UGT2B7: variants seen among roughly 807,000 people sequenced by gnomAD.
UGT2B7 encodes the protein UDP glucuronosyltransferase family 2 member B7, also known as UDP-glucuronosyltransferase 2B7.
In UGT2B7, 51 loss-of-function variants were observed where a neutral mutation model predicts 51.9. The ratio of observed to expected loss-of-function variants is 0.98; its 90% CI spans 0.78 to 1.24. The LOEUF (loss-of-function observed/expected upper bound fraction) is 1.24, where lower values mean the gene tolerates loss of function less well. Among genes scored for constraint, UGT2B7 ranks in the 50% most tolerant of loss-of-function variants. The pLI, the probability that UGT2B7 is intolerant of heterozygous loss-of-function variation, is 0.00. For missense variants in UGT2B7, 727 were observed against 628.4 expected, an observed-to-expected ratio of 1.16 and a Z score of -1.68; for synonymous variants, 225 against 211.6, an observed-to-expected ratio of 1.06 and a Z score of -0.55.
upstream of UGT2B7, among the ~76,000 whole-genome samples, chr4:69,092,937 T>G (rs1439366507): frequency 7.0e-6 from 1 of 142,846 alleles, no homozygotes; most frequent in African/African-American, 2.7e-5. Context: ...TTAAGAGTCA[T>G]GCCAAAAACA....
At chr4:69,072,355 T>G (rs1718619596) in intron 1 of UGT2B7, among the ~76,000 whole-genome samples, 1 of 152,162 alleles carries the variant, frequency 6.6e-6, no homozygotes, top group African/African-American at 2.4e-5. Flanking sequence ...AAATTTTGAA[T>G]ATGCTGCTTA....
At chr4:69,085,662 T>C (rs77682254) in intron 1 of UGT2B7, among the ~76,000 whole-genome samples, 3,862 of 151,982 alleles carry the variant, frequency 0.025, 80 homozygotes, top group Middle Eastern at 0.095. Flanking sequence ...TGGTTTTTTG[T>C]TTTTGTTTTT....
At chr4:69,089,178 A>G (rs935430900) in intron 1 of UGT2B7, among the ~76,000 whole-genome samples, 1 of 152,134 alleles carries the variant, frequency 6.6e-6, no homozygotes, top group Non-Finnish European at 1.5e-5. Flanking sequence ...GAGTTTGCAA[A>G]CCATTATGAT....
intron 1 of UGT2B7, among the ~76,000 whole-genome samples, chr4:69,084,932 T>C (rs1176894392): frequency 6.6e-6 from 1 of 152,138 alleles, no homozygotes; most frequent in African/African-American, 2.4e-5. Flanking sequence ...ATAAAAATAC[T>C]TGTGCATGTG....
At chr4:69,060,974 A>G (rs1718332397) in intron 1 of UGT2B7, among the ~76,000 whole-genome samples, 1 of 152,162 alleles carries the variant, frequency 6.6e-6, no homozygotes, top group Non-Finnish European at 1.5e-5. Context: ...TTCTCAAGCC[A>G]GAGAGATCTG....
In UGT2B7 at chr4:69,096,977, A is replaced by AT. The variant is rs1560508588; in HGVS notation, c.462dup (p.Pro155SerfsTer3). On this transcript the variant is annotated frameshift_variant, in exon 1 of 6. Transcript: ENST00000305231. LOFTEE classifies it high-confidence loss of function. ...ATTTGACGTCATTTTTGCAGATGCT[A>AT]TTTTTCCCTGTAGTGAGCTGCTGGC... is the stretch of plus-strand genomic sequence containing the variant. 2 of 1,613,576 alleles carry AT rather than the reference A, an allele frequency of 1.2e-6. No individual in the cohort carries two copies. Among genetic ancestry groups the AT allele is most frequent in the East Asian group, 4.5e-5 (2 of 44,858 alleles).
At chr4:69,084,363 CT>C (rs1718903307) in intron 1 of UGT2B7, among the ~76,000 whole-genome samples, 1 of 90,832 alleles carries the variant, frequency 1.1e-5, no homozygotes, top group African/African-American at 3.9e-5. Context: ...TCTGGTTTTA[CT>C]ATCAAGGTAA....
At position 69,097,069 on chromosome 4, in the gene UGT2B7, T is replaced by C. The variant is rs769762629; in HGVS notation, c.549T>C (p.His183=). 8 of 1,613,688 alleles carry C rather than the reference T, an allele frequency of 5.0e-6. No individual in the cohort carries two copies. Among genetic ancestry groups the C allele is most frequent in the African/African-American group, 2.7e-5 (2 of 74,906 alleles). ...SFSPGYTFEK[H]SGGFIFPPSY... The stretch of plus-strand genomic sequence containing the variant: ...CTCCTGGCTACACTTTTGAAAAGCA[T>C]AGTGGAGGATTTATTTTCCCTCCTT... Residue 183 remains histidine, a synonymous_variant, in exon 1 of 6, where the codon CAT becomes CAC. Transcript: ENST00000305231.
intron 1 of UGT2B7, among the ~76,000 whole-genome samples, chr4:69,053,273 T>C (rs1057328515): frequency 4.6e-5 from 7 of 152,156 alleles, no homozygotes; most frequent in Admixed American, 6.5e-5. Flanking sequence ...AAATATGAAA[T>C]GGTGTTTAGC....
chr4:69,052,994 G>T (rs1718077771), intron 1 of UGT2B7, among the ~76,000 whole-genome samples: 1 of 152,086 alleles, frequency 6.6e-6, no homozygotes, highest in Non-Finnish European at 1.5e-5. Context: ...ATTAGCTAAA[G>T]TTAAAAAGAT....
At chr4:69,102,230 T>C (rs892093281) in intron 2 of UGT2B7, among the ~76,000 whole-genome samples, 6 of 152,160 alleles carry the variant, frequency 3.9e-5, no homozygotes, top group Admixed American at 3.3e-4. Flanking sequence ...CAGAAAACTC[T>C]GACAAACTTT....
chr4:69,065,681 G>A (rs1034222930), intron 1 of UGT2B7, among the ~76,000 whole-genome samples: 1 of 152,108 alleles, frequency 6.6e-6, no homozygotes, highest in East Asian at 1.9e-4. Context: ...TGATGGCATA[G>A]ATTTGCTTTT....
intron 1 of UGT2B7, among the ~76,000 whole-genome samples, chr4:69,085,922 A>T (rs1427248779): frequency 6.6e-6 from 1 of 151,464 alleles, no homozygotes; most frequent in Non-Finnish European, 1.5e-5. Flanking sequence ...TTTGTAGTTA[A>T]CTTAGCTGAA....
chr4:69,063,321 A>AAAAAAAAAAAAG (rs765722087), intron 1 of UGT2B7, among the ~76,000 whole-genome samples: 9,525 of 125,296 alleles, frequency 0.076, 639 homozygotes, highest in Admixed American at 0.13. Context: ...TCCGTCTCAA[A>AAAAAAAAAAAAG]AAAAAAAAAA....
At chr4:69,077,986 G>A (rs2109872035) in intron 1 of UGT2B7, among the ~76,000 whole-genome samples, 1 of 152,238 alleles carries the variant, frequency 6.6e-6, no homozygotes, top group Middle Eastern at 3.4e-3. Flanking sequence ...TTTTTAGCAT[G>A]AAGTGATGTT....
intron 1 of UGT2B7, chr4:69,069,864 G>A (rs1370978585): frequency 6.6e-6 from 1 of 151,992 alleles, no homozygotes; most frequent in African/African-American, 2.4e-5. Flanking sequence ...AGTTGTTAAG[G>A]CGAGAAAGAA....
At chr4:69,055,398 C>G (rs1343850940) in intron 1 of UGT2B7, among the ~76,000 whole-genome samples, 2 of 148,842 alleles carry the variant, frequency 1.3e-5, no homozygotes, top group Non-Finnish European at 3.0e-5. Flanking sequence ...GAGCTGCAAC[C>G]TTTTAAAATT....
At chr4:69,057,468 T>C (rs1446885405) in intron 1 of UGT2B7, among the ~76,000 whole-genome samples, 1 of 152,244 alleles carries the variant, frequency 6.6e-6, no homozygotes, top group African/African-American at 2.4e-5. Context: ...GAAAACAGTA[T>C]GGAGGTTTCT....
upstream of UGT2B7, among the ~76,000 whole-genome samples, chr4:69,091,995 T>C (rs184002503): frequency 1.2e-4 from 19 of 152,302 alleles, no homozygotes; most frequent in East Asian, 1.9e-3. Flanking sequence ...CAGGCTGAAG[T>C]GCAATCATGG....
Sources: allele counts gnomAD v4.1 joint callset (sites outside exome capture counted in the v4.1 genomes callset), GRCh38; gene constraint gnomAD v4.1.1; transcripts MANE v1.5; gene names NCBI Gene and HGNC (gene_info 2026-07-23, HGNC 2026-07-21).